FCHO2: variants seen among roughly 807,000 people sequenced by gnomAD.
FCHO2 encodes F-BAR domain only protein 2.
A neutral mutation model predicts 114.1 loss-of-function variants in FCHO2; 43 were observed. That is an observed-to-expected ratio of 0.38 (90% CI 0.30 to 0.49). FCHO2 has a LOEUF of 0.49. Among genes scored for constraint, FCHO2 ranks in the 20% least tolerant of loss-of-function variants. The probability of loss-of-function intolerance (pLI) is 0.97; values close to 1 mark genes in which losing one functional copy is unlikely to be tolerated. For missense variants in FCHO2, 807 were observed against 950.4 expected, an observed-to-expected ratio of 0.85 and a Z score of 1.98; for synonymous variants, 293 against 315.2, an observed-to-expected ratio of 0.93 and a Z score of 0.75.
At chr5:72,979,742 C>A (rs1022558964) in intron 2 of FCHO2, among the ~76,000 whole-genome samples, 5 of 152,052 alleles carry the variant, frequency 3.3e-5, no homozygotes, top group Admixed American at 6.6e-5. Flanking sequence ...AGTGGTGTTT[C>A]TAGTATTCTC....
intron 8 of FCHO2, 60 bp from the exon 9 acceptor site, chr5:73,034,597 T>C: frequency 7.3e-7 from 1 of 1,366,378 alleles, no homozygotes; most frequent in Non-Finnish European, 1.0e-6. Context: ...AAAAAAAAAG[T>C]TTTAAAATTT....
At chr5:73,003,891 T>C (rs1229717568) in intron 5 of FCHO2, among the ~76,000 whole-genome samples, 1 of 151,584 alleles carries the variant, frequency 6.6e-6, no homozygotes, top group Non-Finnish European at 1.5e-5. Flanking sequence ...CTACTAAAAA[T>C]ACAAAAATTA....
rs956059619 is a variant in FCHO2 at position 72,956,056 on chromosome 5, C to T, written c.-41C>T. ...GGGCCGGGCCGTGTTTACACAGCGG[C>T]GGGCGGGCGCGGACGCGGAACCCGG... On this transcript the variant is annotated 5_prime_UTR_variant, in exon 1 of 26. Coordinates refer to ENST00000430046, the MANE Select transcript of FCHO2 (RefSeq NM_138782.3). 1.3e-6 allele frequency: 2 copies of T among 1,536,422 alleles called. No individual in the cohort carries two copies. Among genetic ancestry groups the T allele is most frequent in the South Asian group, 2.4e-5 (2 of 82,292 alleles).
chr5:73,074,182 G>GT (rs35222340), intron 19 of FCHO2, among the ~76,000 whole-genome samples: 89 of 143,784 alleles, frequency 6.2e-4, no homozygotes, highest in East Asian at 6.1e-4. Flanking sequence ...TTTGGCCAGG[G>GT]TTTTTTTTTT....
intron 1 of FCHO2, among the ~76,000 whole-genome samples, chr5:72,963,359 A>G (rs575178176): frequency 6.6e-6 from 1 of 152,344 alleles, no homozygotes; most frequent in East Asian, 1.9e-4. Flanking sequence ...AAAACACAGA[A>G]GAATACAGAA....
chr5:73,056,567 A>G (rs907294214), intron 16 of FCHO2, among the ~76,000 whole-genome samples: 1 of 152,076 alleles, frequency 6.6e-6, no homozygotes, highest in African/African-American at 2.4e-5. Context: ...GAGCTGTCAA[A>G]TGCAATGTTG....
chr5:72,967,619 T>G (rs1752273707), intron 1 of FCHO2, among the ~76,000 whole-genome samples: 1 of 152,144 alleles, frequency 6.6e-6, no homozygotes, highest in African/African-American at 2.4e-5. Flanking sequence ...ATTTCATACT[T>G]AATTTTTTGT....
intron 8 of FCHO2, among the ~76,000 whole-genome samples, chr5:73,032,092 AG>A (rs1015522422): frequency 1.3e-5 from 2 of 152,158 alleles, no homozygotes; most frequent in African/African-American, 4.8e-5. Flanking sequence ...GACATGCTAC[AG>A]GGGGGGTCAG....
At chr5:73,033,803 ATAAT>A (rs1193252723) in intron 8 of FCHO2, among the ~76,000 whole-genome samples, 2 of 152,170 alleles carry the variant, frequency 1.3e-5, no homozygotes, top group Admixed American at 1.3e-4. Context: ...ACACTGCCAA[ATAAT>A]TTGATATTTC....
At chr5:72,961,442 A>C (rs1207964605) in intron 1 of FCHO2, among the ~76,000 whole-genome samples, 1 of 152,188 alleles carries the variant, frequency 6.6e-6, no homozygotes, top group Non-Finnish European at 1.5e-5. Context: ...TGACATACCA[A>C]AACAAAATCT....
rs115222748 is a variant in FCHO2, at chr5:73,074,222, T to C, written c.1580-520T>C. Among the ~76,000 whole-genome samples the C allele has an allele frequency of 7.6e-3, 1,158 of 152,050 alleles. 13 individuals are homozygous for C. The highest frequency in any genetic ancestry group is 0.027 in the African/African-American group (1,110 of 41,496). ...ATAATGTTATTAGTCAAGTATTTAT[T>C]AGTCAAATATTGAGGCAAAGTAATG... is the stretch of plus-strand genomic sequence containing the variant. On this transcript the variant is annotated intron_variant, in intron 19 of 25. Transcript: ENST00000430046.
intron 9 of FCHO2, among the ~76,000 whole-genome samples, chr5:73,035,545 C>T (rs1255441626): frequency 6.6e-6 from 1 of 152,106 alleles, no homozygotes; most frequent in African/African-American, 2.4e-5. Flanking sequence ...CTTTGTTTCC[C>T]AGGCTGGAAT....
intron 11 of FCHO2, among the ~76,000 whole-genome samples, chr5:73,041,953 A>T (rs1390803880): frequency 6.6e-6 from 1 of 152,108 alleles, no homozygotes; most frequent in Admixed American, 6.5e-5. Context: ...GTTGATAAGT[A>T]TAGGGGTTTC....
At chr5:73,043,282 T>C (rs478575) in intron 11 of FCHO2, among the ~76,000 whole-genome samples, 80,230 of 151,914 alleles carry the variant, frequency 0.53, 22,332 homozygotes, top group African/African-American at 0.72. Context: ...AAATTGATAC[T>C]GTCTGTCTTG....
chr5:73,008,849 A>G (rs145446057), intron 6 of FCHO2, among the ~76,000 whole-genome samples: 92 of 152,362 alleles, frequency 6.0e-4, no homozygotes, highest in Non-Finnish European at 1.1e-3. Flanking sequence ...AATGAGGTAT[A>G]TGGCATTCTA....
At chr5:73,034,303 CCA>C (rs773132053) in intron 8 of FCHO2, among the ~76,000 whole-genome samples, 5 of 152,150 alleles carry the variant, frequency 3.3e-5, no homozygotes, top group Non-Finnish European at 7.4e-5. Flanking sequence ...GATTCAGCAA[CCA>C]CCTTTACCAT....
chr5:72,989,204 T>A (rs1363938098), intron 2 of FCHO2, among the ~76,000 whole-genome samples: 1 of 151,448 alleles, frequency 6.6e-6, no homozygotes, highest in Non-Finnish European at 1.5e-5. Flanking sequence ...AGCAAGACTG[T>A]TTTAAAAAAA....
At chr5:72,965,532 A>G (rs151282184) in intron 1 of FCHO2, among the ~76,000 whole-genome samples, 71 of 152,370 alleles carry the variant, frequency 4.7e-4, no homozygotes, top group African/African-American at 1.5e-3. Context: ...GCAATGCTCA[A>G]TAAAAGAAAG....
At chr5:72,969,325 A>C (rs1752381293) in intron 2 of FCHO2, among the ~76,000 whole-genome samples, 1 of 152,204 alleles carries the variant, frequency 6.6e-6, no homozygotes, top group African/African-American at 2.4e-5. Context: ...GATTATGGGA[A>C]TATAGTGGTT....
Sources: allele counts gnomAD v4.1 joint callset (sites outside exome capture counted in the v4.1 genomes callset), GRCh38; gene constraint gnomAD v4.1.1; transcripts MANE v1.5; gene names NCBI Gene and HGNC (gene_info 2026-07-23, HGNC 2026-07-21).